Variants in KSR2 observed in about 807,000 individuals in gnomAD.
KSR2 encodes the protein kinase suppressor of ras 2.
In KSR2, 25 loss-of-function variants were observed where a neutral mutation model predicts 107.8. The ratio of observed to expected loss-of-function variants is 0.23; its 90% CI spans 0.17 to 0.32. The LOEUF (loss-of-function observed/expected upper bound fraction) is 0.32. Ranked by LOEUF, KSR2 falls within the 10% of genes least tolerant of loss-of-function variation. The probability of loss-of-function intolerance (pLI) is 1.00; values close to 1 mark genes in which losing one functional copy is unlikely to be tolerated. For synonymous variants in KSR2, 480 were observed against 507.0 expected (o/e 0.95, Z 0.71); for missense variants, 887 against 1,268.9 (o/e 0.70, Z 4.57).
At chr12:117,944,773 G>A (rs139073234) in intron 1 of KSR2, among the ~76,000 whole-genome samples, 154 of 151,988 alleles carry the variant, frequency 1.0e-3, no homozygotes, top group Middle Eastern at 3.4e-3. Context: ...TGAGAGGATC[G>A]CTTGAGCCTG....
At chr12:117,698,142 C>A (rs1300981248) in intron 4 of KSR2, among the ~76,000 whole-genome samples, 1 of 152,300 alleles carries the variant, frequency 6.6e-6, no homozygotes, top group Admixed American at 6.5e-5. Flanking sequence ...CTGCTCCCAC[C>A]TTGATTTCAG....
chr12:117,899,105 T>C lies in KSR2; in HGVS notation c.181-38674A>G, dbSNP rs187996400. Among the ~76,000 whole-genome samples, 434 of 152,292 alleles carry C rather than the reference T, an allele frequency of 2.8e-3. 9 individuals are homozygous for C. In the South Asian group the frequency reaches 0.033, roughly 12 times the overall value. On this transcript the variant is annotated intron_variant, in intron 1 of 19. Transcript: ENST00000339824. ...TGATACTTAATATGTGAAAAATACC[T>C]AAAAATCTCTGCTTATCCCAAAGTC...
chr12:117,732,294 CTT>C (rs112890015), intron 4 of KSR2, among the ~76,000 whole-genome samples: 4 of 145,568 alleles, frequency 2.7e-5, no homozygotes, highest in African/African-American at 5.0e-5. Flanking sequence ...GAATTTTTTT[CTT>C]TTTTTTTTTT....
chr12:117,655,120 G>C (rs1884087090), intron 5 of KSR2, among the ~76,000 whole-genome samples: 1 of 152,190 alleles, frequency 6.6e-6, no homozygotes, highest in African/African-American at 2.4e-5. Flanking sequence ...TCATGGAAAG[G>C]GCAGAGGTTT....
Position 117,747,103 on chromosome 12 carries a change from C to T in KSR2, c.986+13908G>A, listed in dbSNP as rs533132294. ...CTGGGTATATACCCAAAGGATTATA[C>T]ATCATTCTACTATAAAGACACATGC... On this transcript the variant is annotated intron_variant, in intron 4 of 19. Coordinates refer to ENST00000339824, the MANE Select transcript of KSR2 (RefSeq NM_173598.6). Among the ~76,000 whole-genome samples the T allele has an allele frequency of 2.0e-5, 3 of 152,236 alleles. No homozygotes were observed. The South Asian group carries it at 6.2e-4, about 32-fold the overall frequency.
chr12:117,950,982 C>T (rs778271136), intron 1 of KSR2, among the ~76,000 whole-genome samples: 28 of 151,778 alleles, frequency 1.8e-4, no homozygotes, highest in Non-Finnish European at 3.2e-4. Flanking sequence ...GGCGCGATCT[C>T]GACTCACTGT....
intron 1 of KSR2, among the ~76,000 whole-genome samples, chr12:117,914,055 C>T (rs1895104495): frequency 6.6e-6 from 1 of 152,194 alleles, no homozygotes; most frequent in South Asian, 2.1e-4. Context: ...AGTATACCTA[C>T]CCCTCTGTGT....
intron 3 of KSR2, among the ~76,000 whole-genome samples, chr12:117,772,573 TAC>T (rs1481251136): frequency 1.8e-5 from 1 of 55,742 alleles, no homozygotes; most frequent in Admixed American, 1.9e-4. Context: ...CACACACTCA[TAC>T]ACACACACCA....
intron 3 of KSR2, among the ~76,000 whole-genome samples, chr12:117,852,437 T>C (rs1892960817): frequency 6.7e-6 from 1 of 149,940 alleles, no homozygotes; most frequent in African/African-American, 2.5e-5. Context: ...TCAAAATAAA[T>C]AAATAAATAA....
chr12:117,883,478 C>A (rs1566066071), intron 1 of KSR2, among the ~76,000 whole-genome samples: 1 of 152,116 alleles, frequency 6.6e-6, no homozygotes, highest in African/African-American at 2.4e-5. Flanking sequence ...CATGGAACTT[C>A]TATTTGATAA....
rs1028614171 is a variant in KSR2 at position 117,647,353 on chromosome 12, C to A, written c.1171+20121G>T. On this transcript the variant is annotated intron_variant, in intron 5 of 19. Transcript: ENST00000339824. Reference sequence around the variant, plus strand: ...AACACTTTTCACTTTTATCCCCGGCCAAGAAGAATTTGGCCTGAGATGAAA... The same window carrying A: ...AACACTTTTCACTTTTATCCCCGGCAAAGAAGAATTTGGCCTGAGATGAAA... Among the ~76,000 whole-genome samples the A allele has an allele frequency of 5.3e-5, 8 of 152,232 alleles. No individual in the cohort carries two copies. In the East Asian group the frequency reaches 1.5e-3, roughly 29 times the overall value.
At chr12:117,815,959 A>G (rs1388223676) in intron 3 of KSR2, among the ~76,000 whole-genome samples, 1 of 149,014 alleles carries the variant, frequency 6.7e-6, no homozygotes, top group Non-Finnish European at 1.5e-5. Flanking sequence ...TGGACAACAG[A>G]GCAAAACTCT....
At chr12:117,536,039 A>G (rs559044188) in intron 10 of KSR2, among the ~76,000 whole-genome samples, 10 of 151,866 alleles carry the variant, frequency 6.6e-5, no homozygotes, top group African/African-American at 2.4e-4. Context: ...ACAGTCACAA[A>G]TACCACCGAG....
At chr12:117,885,305 C>T (rs760121998) in intron 1 of KSR2, among the ~76,000 whole-genome samples, 3 of 152,190 alleles carry the variant, frequency 2.0e-5, no homozygotes, top group Non-Finnish European at 4.4e-5. Context: ...ACTTTCCATG[C>T]AGATCTCATT....
chr12:117,942,619 A>G (rs1450911297), intron 1 of KSR2, among the ~76,000 whole-genome samples: 3 of 148,812 alleles, frequency 2.0e-5, no homozygotes, highest in Non-Finnish European at 4.5e-5. Context: ...CTCCCAAGTA[A>G]CTGGGATTTC....
At chr12:117,561,286 T>C (rs538093092) in intron 7 of KSR2, among the ~76,000 whole-genome samples, 10 of 152,356 alleles carry the variant, frequency 6.6e-5, no homozygotes, top group African/African-American at 2.2e-4. Context: ...AAGTCTAAGA[T>C]GGTTGAAAAA....
At chr12:117,645,027 G>A (rs1359614070) in intron 5 of KSR2, among the ~76,000 whole-genome samples, 14 of 152,254 alleles carry the variant, frequency 9.2e-5, no homozygotes, top group Admixed American at 8.5e-4. Context: ...TTGGGCCACA[G>A]TTGGTTAGAG....
At chr12:117,613,872 C>T (rs1440432895) in intron 5 of KSR2, among the ~76,000 whole-genome samples, 1 of 152,174 alleles carries the variant, frequency 6.6e-6, no homozygotes, top group Non-Finnish European at 1.5e-5. Flanking sequence ...CCATCCTTCA[C>T]TTTCCATGCC....
intron 1 of KSR2, among the ~76,000 whole-genome samples, chr12:117,894,438 C>T (rs966820531): frequency 6.6e-6 from 1 of 152,056 alleles, no homozygotes; most frequent in Non-Finnish European, 1.5e-5. Flanking sequence ...GCCATGGTGG[C>T]AGGATTACTT....
Sources: allele counts gnomAD v4.1 joint callset (sites outside exome capture counted in the v4.1 genomes callset), GRCh38; gene constraint gnomAD v4.1.1; transcripts MANE v1.5; gene names NCBI Gene and HGNC (gene_info 2026-07-23, HGNC 2026-07-21).